Variants in VOPP1 observed in about 807,000 individuals in gnomAD.
VOPP1 encodes VOPP1 WW domain binding protein.
VOPP1 carries 8 observed loss-of-function variants against 23.5 expected under a neutral mutation model. The observed-to-expected ratio is 0.34, with a 90% confidence interval of 0.20 to 0.61. The LOEUF is 0.61. Ranked by LOEUF, VOPP1 falls within the 20% of genes least tolerant of loss-of-function variation. The probability of loss-of-function intolerance (pLI) is 0.78; values close to 1 mark genes in which losing one functional copy is unlikely to be tolerated. For missense variants in VOPP1, 174 were observed against 238.1 expected, an observed-to-expected ratio of 0.73 and a Z score of 1.77; for synonymous variants, 83 against 97.3, an observed-to-expected ratio of 0.85 and a Z score of 0.86.
chr7:55,525,744 C>T (rs1402533191), intron 1 of VOPP1, among the ~76,000 whole-genome samples: 2 of 124,544 alleles, frequency 1.6e-5, no homozygotes. Flanking sequence ...TACATGTGTA[C>T]GGTATTTAGT....
chr7:55,439,114 G>A (rs976151738), intron 4 of VOPP1, among the ~76,000 whole-genome samples: 3 of 152,078 alleles, frequency 2.0e-5, no homozygotes, highest in South Asian at 4.1e-4. Context: ...TGATGGAGGC[G>A]TCACTTTGGA....
intron 1 of VOPP1, among the ~76,000 whole-genome samples, chr7:55,556,636 A>C (rs1157602871): frequency 1.9e-4 from 28 of 146,088 alleles, no homozygotes; most frequent in South Asian, 6.6e-4. Context: ...AGCTGTTGGA[A>C]CCCCCCCCCA....
chr7:55,514,358 G>T (rs144862873), intron 2 of VOPP1, among the ~76,000 whole-genome samples: 1,669 of 152,318 alleles, frequency 0.011, 11 homozygotes, highest in Middle Eastern at 0.02. Context: ...CACAGGAAAC[G>T]GGGGCCCAGA....
At chr7:55,492,506 C>T (rs73137609) in intron 3 of VOPP1, 88 bp from the exon 4 acceptor site, 257,457 of 1,429,780 alleles carry the variant, frequency 0.18, 24,334 homozygotes, top group Middle Eastern at 0.22. Context: ...ATGCACTCCT[C>T]GGGGGTCCGG....
At chr7:55,491,564 C>T (rs1408649454) in intron 4 of VOPP1, among the ~76,000 whole-genome samples, 1 of 152,204 alleles carries the variant, frequency 6.6e-6, no homozygotes, top group African/African-American at 2.4e-5. Context: ...CCTCCAGGAC[C>T]CTTGGCTCCC....
At chr7:55,523,073 T>C (rs1795972814) in intron 1 of VOPP1, among the ~76,000 whole-genome samples, 1 of 152,158 alleles carries the variant, frequency 6.6e-6, no homozygotes, top group Non-Finnish European at 1.5e-5. Context: ...CACAGCTTCT[T>C]TGTGGTGGCA....
intron 1 of VOPP1, among the ~76,000 whole-genome samples, chr7:55,553,519 T>TG (rs1440573736): frequency 2.0e-5 from 3 of 152,190 alleles, no homozygotes; most frequent in Non-Finnish European, 4.4e-5. Flanking sequence ...CTAACATTTC[T>TG]GGTTTTCATT....
chr7:55,487,767 T>C (rs574419513), intron 4 of VOPP1, among the ~76,000 whole-genome samples: 4 of 152,362 alleles, frequency 2.6e-5, no homozygotes, highest in East Asian at 1.9e-4. Context: ...AGATGGACCA[T>C]AATTCAATCA....
chr7:55,470,493 C>T (rs1239096266), downstream of VOPP1: 1 of 152,156 alleles, frequency 6.6e-6, no homozygotes, highest in African/African-American at 2.4e-5. Flanking sequence ...TCCCCTGAGA[C>T]CAGGTGCATC....
intron 4 of VOPP1, among the ~76,000 whole-genome samples, chr7:55,487,440 T>C (rs143612009): frequency 0.01 from 1,571 of 152,330 alleles, 10 homozygotes; most frequent in Admixed American, 0.015. Flanking sequence ...TGGAATTCCA[T>C]AGTTGAACTC....
At chr7:55,539,496 TC>T (rs1348467984) in intron 1 of VOPP1, 32 of 152,054 alleles carry the variant, frequency 2.1e-4, no homozygotes, top group Admixed American at 2.1e-3. Context: ...CACCCCTTCA[TC>T]CCAAAGATTC....
chr7:55,516,932 A>ATATTTTTTTT (rs1562947689), intron 2 of VOPP1, among the ~76,000 whole-genome samples: 1 of 45,156 alleles, frequency 2.2e-5, no homozygotes, highest in African/African-American at 1.2e-4. Context: ...ATATATATAT[A>ATATTTTTTTT]TTTTTTTTTT....
intron 1 of VOPP1, among the ~76,000 whole-genome samples, chr7:55,566,281 G>A (rs1468826082): frequency 6.6e-6 from 1 of 152,114 alleles, no homozygotes; most frequent in Non-Finnish European, 1.5e-5. Context: ...ACTGTCTTAT[G>A]TGCATTATAG....
intron 1 of VOPP1, among the ~76,000 whole-genome samples, chr7:55,540,188 A>G (rs1797056198): frequency 6.6e-6 from 1 of 151,984 alleles, no homozygotes; most frequent in Admixed American, 6.6e-5. Context: ...TCACGAGGTC[A>G]AGAGATCGAG....
intron 2 of VOPP1, among the ~76,000 whole-genome samples, chr7:55,517,394 C>A (rs1195926560): frequency 6.6e-6 from 1 of 152,100 alleles, no homozygotes; most frequent in Non-Finnish European, 1.5e-5. Context: ...CGTCGTGGGC[C>A]CTCCACAGAC....
chr7:55,519,932 A>G (rs188579423), intron 2 of VOPP1, among the ~76,000 whole-genome samples: 4 of 152,350 alleles, frequency 2.6e-5, no homozygotes, highest in Admixed American at 2.6e-4. Context: ...GTTCGAGACC[A>G]GCCTGGCCAA....
intron 1 of VOPP1, 50 bp downstream of exon 1, chr7:55,572,221 C>T (rs1171754098): frequency 4.8e-6 from 7 of 1,471,396 alleles, no homozygotes; most frequent in Non-Finnish European, 6.3e-6. Context: ...CCCCAGCCGC[C>T]AGCATGGTGG....
chr7:55,546,903 A>T (rs1797387827), intron 1 of VOPP1, among the ~76,000 whole-genome samples: 1 of 152,226 alleles, frequency 6.6e-6, no homozygotes, highest in South Asian at 2.1e-4. Context: ...CACCTCCACA[A>T]ATGGGAGCTA....
intron 1 of VOPP1, among the ~76,000 whole-genome samples, chr7:55,566,772 T>A (rs1175094588): frequency 1.3e-5 from 2 of 152,240 alleles, no homozygotes; most frequent in Non-Finnish European, 2.9e-5. Context: ...ATTGAGGACA[T>A]CCTCATCACC....
Sources: allele counts gnomAD v4.1 joint callset (sites outside exome capture counted in the v4.1 genomes callset), GRCh38; gene constraint gnomAD v4.1.1; transcripts MANE v1.5; gene names NCBI Gene and HGNC (gene_info 2026-07-23, HGNC 2026-07-21).